SPAG16: variants seen among roughly 807,000 people sequenced by gnomAD.
SPAG16 encodes the protein sperm associated antigen 16, also known as sperm-associated antigen 16 protein.
A neutral mutation model predicts 80.4 loss-of-function variants in SPAG16; 86 were observed. The ratio of observed to expected loss-of-function variants is 1.07; its 90% confidence interval spans 0.90 to 1.28. The LOEUF is 1.28. Ranked by LOEUF, SPAG16 falls within the 50% of genes most tolerant of loss-of-function variation. The pLI, the probability that SPAG16 is intolerant of heterozygous loss-of-function variation, is 0.00. For missense variants in SPAG16, 870 were observed against 765.3 expected (o/e 1.14, Z -1.61); for synonymous variants, 294 against 265.9 (o/e 1.11, Z -1.03).
At chr2:213,747,530 C>G (rs1399554213) in intron 10 of SPAG16, among the ~76,000 whole-genome samples, 1 of 152,106 alleles carries the variant, frequency 6.6e-6, no homozygotes, top group South Asian at 2.1e-4. Flanking sequence ...TATGGGTATA[C>G]CATTCTTATC....
At chr2:213,660,701 G>A (rs2063394101) in intron 10 of SPAG16, among the ~76,000 whole-genome samples, 1 of 152,140 alleles carries the variant, frequency 6.6e-6, no homozygotes. Context: ...ATCTAGACTT[G>A]CTGGCTCCTT....
At chr2:214,340,929 G>C (rs1294016205) in intron 15 of SPAG16, among the ~76,000 whole-genome samples, 3 of 151,980 alleles carry the variant, frequency 2.0e-5, no homozygotes, top group Admixed American at 2.0e-4. Context: ...TGCATCATCA[G>C]GTATAGAAAG....
intron 10 of SPAG16, among the ~76,000 whole-genome samples, chr2:213,811,944 G>T (rs182007028): frequency 6.6e-6 from 1 of 152,160 alleles, no homozygotes; most frequent in Admixed American, 6.5e-5. Flanking sequence ...GGCAAGCAGA[G>T]AACACAGAAA....
intron 7 of SPAG16, among the ~76,000 whole-genome samples, chr2:213,355,754 G>A (rs1300214215): frequency 6.6e-6 from 1 of 152,166 alleles, no homozygotes; most frequent in Non-Finnish European, 1.5e-5. Context: ...TCAGCTTAAG[G>A]AGATTTTGGG....
chr2:213,891,430 A>G (rs1173206537), intron 11 of SPAG16, among the ~76,000 whole-genome samples: 1 of 152,162 alleles, frequency 6.6e-6, no homozygotes. Flanking sequence ...AGCTGTAGAT[A>G]CAATCATTCT....
At chr2:213,515,588 T>G (rs1458896955) in intron 10 of SPAG16, among the ~76,000 whole-genome samples, 2 of 152,322 alleles carry the variant, frequency 1.3e-5, no homozygotes, top group East Asian at 3.9e-4. Flanking sequence ...TTTATCCCAT[T>G]TGAAACAGTT....
chr2:214,406,714 G>A (rs1016940818), intron 15 of SPAG16, among the ~76,000 whole-genome samples: 10 of 152,080 alleles, frequency 6.6e-5, no homozygotes, highest in Non-Finnish European at 2.9e-5. Context: ...AATACTTTGA[G>A]GTTAGGAGAA....
At chr2:213,644,099 C>T (rs1313937833) in intron 10 of SPAG16, among the ~76,000 whole-genome samples, 8 of 151,062 alleles carry the variant, frequency 5.3e-5, no homozygotes, top group Non-Finnish European at 1.2e-4. Flanking sequence ...CGAATTCTTT[C>T]TTCTGCTTGA....
At chr2:214,099,551 A>G (rs545869879) in intron 13 of SPAG16, among the ~76,000 whole-genome samples, 18 of 152,200 alleles carry the variant, frequency 1.2e-4, no homozygotes, top group Non-Finnish European at 2.5e-4. Context: ...TAAAATGCAT[A>G]TATATTATGG....
intron 9 of SPAG16, among the ~76,000 whole-genome samples, chr2:213,471,294 T>A (rs147441494): frequency 1.3e-5 from 2 of 152,252 alleles, no homozygotes; most frequent in African/African-American, 2.4e-5. Context: ...CTTCCTCAAG[T>A]AACTTACTTT....
chr2:214,194,461 A>G (rs939041412), intron 15 of SPAG16, among the ~76,000 whole-genome samples: 2 of 152,122 alleles, frequency 1.3e-5, no homozygotes, highest in Non-Finnish European at 2.9e-5. Context: ...ATGAGATAGA[A>G]GAATGGTACA....
At chr2:214,331,663 CA>C (rs1379034927) in intron 15 of SPAG16, among the ~76,000 whole-genome samples, 1 of 152,162 alleles carries the variant, frequency 6.6e-6, no homozygotes, top group Non-Finnish European at 1.5e-5. Context: ...CCCGTCCAAG[CA>C]AAATATTCTC....
chr2:213,924,447 C>T (rs1173357661), intron 11 of SPAG16, among the ~76,000 whole-genome samples: 1 of 152,158 alleles, frequency 6.6e-6, no homozygotes, highest in Non-Finnish European at 1.5e-5. Context: ...CCTCTCTGTT[C>T]TCTGTGTTCT....
At chr2:213,688,943 A>T (rs905956342) in intron 10 of SPAG16, among the ~76,000 whole-genome samples, 2 of 152,030 alleles carry the variant, frequency 1.3e-5, no homozygotes, top group Non-Finnish European at 2.9e-5. Context: ...AACATATGAA[A>T]TTTGATGTAA....
intron 10 of SPAG16, among the ~76,000 whole-genome samples, chr2:213,856,302 G>A (rs957978022): frequency 6.6e-6 from 1 of 152,210 alleles, no homozygotes; most frequent in Non-Finnish European, 1.5e-5. Context: ...CTCCACCCCT[G>A]TGGCTTTGCA....
intron 14 of SPAG16, among the ~76,000 whole-genome samples, chr2:214,146,621 T>A (rs1057443927): frequency 6.6e-6 from 1 of 152,222 alleles, no homozygotes; most frequent in Admixed American, 6.5e-5. Flanking sequence ...ACTAGCTAAC[T>A]GGATATATAG....
chr2:213,770,810 C>A (rs1178710935), intron 10 of SPAG16, among the ~76,000 whole-genome samples: 1 of 152,164 alleles, frequency 6.6e-6, no homozygotes, highest in Non-Finnish European at 1.5e-5. Context: ...CTTTTTATGG[C>A]TTCATAGTAT....
At chr2:214,195,303 T>TAGATAGATAGATAGATAGATA (rs140238900) in intron 15 of SPAG16, among the ~76,000 whole-genome samples, 1 of 146,662 alleles carries the variant, frequency 6.8e-6, no homozygotes. Flanking sequence ...AGATGAGAGA[T>TAGATAGATAGATAGATAGATA]GATAGATAGA....
At chr2:213,931,175 T>A (rs143808606) in intron 12 of SPAG16, among the ~76,000 whole-genome samples, 1 of 152,200 alleles carries the variant, frequency 6.6e-6, no homozygotes, top group Admixed American at 6.5e-5. Context: ...ATTGTTACAA[T>A]GATAGGTGCA....
Sources: gnomAD v4.1 joint callset for allele counts (sites outside exome capture counted in the v4.1 genomes callset) on GRCh38, gnomAD v4.1.1 for gene constraint, MANE v1.5 for transcripts, NCBI Gene and HGNC (gene_info 2026-07-23, HGNC 2026-07-21) for gene names.